The following VRK2 variants were observed in gnomAD, a reference collection of about 807,000 sequenced individuals.
VRK2 encodes the protein serine/threonine-protein kinase VRK2.
VRK2 carries 60 observed loss-of-function variants against 57.6 expected under a neutral mutation model. That is an observed-to-expected ratio of 1.04 (90% CI 0.85 to 1.29). The LOEUF is 1.29. Ranked by LOEUF, VRK2 falls within the 50% of genes most tolerant of loss-of-function variation. VRK2 has a pLI of 0.00. For synonymous variants in VRK2, 231 were observed against 199.2 expected (o/e 1.16, Z -1.35); for missense variants, 705 against 588.1 (o/e 1.20, Z -2.06).
intron 11 of VRK2, among the ~76,000 whole-genome samples, chr2:58,140,271 C>G (rs1428020357): frequency 6.6e-6 from 1 of 151,824 alleles, no homozygotes; most frequent in African/African-American, 2.4e-5. Context: ...CAGTTCTTTA[C>G]AGAAAATAAA....
chr2:58,092,609 T>G (rs939237690), intron 7 of VRK2, among the ~76,000 whole-genome samples: 2 of 152,234 alleles, frequency 1.3e-5, no homozygotes, highest in Non-Finnish European at 2.9e-5. Context: ...CTGGAGTGAC[T>G]GTACCATTAA....
At chr2:57,908,120 C>G (rs1490878713) in intron 1 of VRK2, among the ~76,000 whole-genome samples, 1 of 152,068 alleles carries the variant, frequency 6.6e-6, no homozygotes, top group Non-Finnish European at 1.5e-5. Context: ...AAGGAAGAAT[C>G]CAAAATCAGA....
rs1036939858 is a variant in VRK2, at chr2:58,048,946, G to A, written c.115G>A (p.Gly39Arg). Reference sequence around the variant, plus strand: ...ACTGGGCAAGAAGATTGGCTCTGGAGGATTTGGATTGATATATTTAGGTAA... The same window carrying A: ...ACTGGGCAAGAAGATTGGCTCTGGAAGATTTGGATTGATATATTTAGGTAA... ...WVLGKKIGSG[G>R]FGLIYLAFPT... The change falls in exon 2 of 13, where the codon GGA becomes AGA. Residue 39 changes from glycine (G) to arginine (R), a missense_variant. Coordinates refer to ENST00000340157, the MANE Select transcript of VRK2 (RefSeq NM_006296.7). 7 of 1,613,622 alleles carry A rather than the reference G, an allele frequency of 4.3e-6. No homozygotes were observed. In the Admixed American group the frequency reaches 5.0e-5, roughly 12 times the overall value.
intron 1 of VRK2, among the ~76,000 whole-genome samples, chr2:58,006,967 C>G (rs1389410482): frequency 1.3e-5 from 2 of 151,998 alleles, no homozygotes; most frequent in Non-Finnish European, 2.9e-5. Flanking sequence ...AGGCTGGGTC[C>G]CCTTGAGGAA....
chr2:58,111,789 G>T (rs1033282690), intron 7 of VRK2, among the ~76,000 whole-genome samples: 3 of 148,264 alleles, frequency 2.0e-5, no homozygotes, highest in Admixed American at 6.7e-5. Flanking sequence ...TGATTTCACA[G>T]AAAAAAAAAG....
At chr2:57,967,300 C>T (rs2104012521) in intron 1 of VRK2, among the ~76,000 whole-genome samples, 1 of 152,028 alleles carries the variant, frequency 6.6e-6, no homozygotes, top group Admixed American at 6.5e-5. Flanking sequence ...GTGCAGCAAA[C>T]CACCATGGTA....
At chr2:58,082,234 T>A (rs1670988367) in intron 2 of VRK2, among the ~76,000 whole-genome samples, 1 of 151,954 alleles carries the variant, frequency 6.6e-6, no homozygotes, top group South Asian at 2.1e-4. Context: ...ATATAATGAT[T>A]GAAATAGGCA....
intron 1 of VRK2, among the ~76,000 whole-genome samples, chr2:57,929,637 G>T (rs2176546): frequency 2.0e-5 from 3 of 151,812 alleles, no homozygotes; most frequent in Non-Finnish European, 4.4e-5. Flanking sequence ...GAGTCTCTCC[G>T]TGTAGCCACC....
chr2:58,072,985 T>C (rs967500273), intron 2 of VRK2, among the ~76,000 whole-genome samples: 21 of 152,232 alleles, frequency 1.4e-4, no homozygotes, highest in Admixed American at 1.4e-3. Flanking sequence ...CTTTAAGCAC[T>C]ACTTCTGCTG....
intron 3 of VRK2, among the ~76,000 whole-genome samples, chr2:58,039,582 T>C (rs1470073076): frequency 3.9e-5 from 6 of 152,224 alleles, no homozygotes; most frequent in Non-Finnish European, 7.4e-5. Context: ...AATAAGCATA[T>C]TAAAGACTCA....
chr2:58,048,578 A>G, intron 1 of VRK2: 1 of 1,427,226 alleles, frequency 7.0e-7, no homozygotes, highest in Non-Finnish European at 9.3e-7. Flanking sequence ...TGAATTTTGG[A>G]TGAAATTTGG....
intron 1 of VRK2, among the ~76,000 whole-genome samples, chr2:58,024,533 T>G (rs1277594894): frequency 6.6e-6 from 1 of 152,196 alleles, no homozygotes; most frequent in Admixed American, 6.5e-5. Context: ...CCCACTGGCT[T>G]TAACAATACT....
At chr2:57,966,151 C>T (rs1326452387) in intron 1 of VRK2, among the ~76,000 whole-genome samples, 2 of 152,180 alleles carry the variant, frequency 1.3e-5, no homozygotes, top group African/African-American at 4.8e-5. Flanking sequence ...ATTACTCACA[C>T]TCAGCAAACA....
chr2:58,015,090 T>A (rs1483436376), intron 1 of VRK2, among the ~76,000 whole-genome samples: 1 of 152,182 alleles, frequency 6.6e-6, no homozygotes, highest in Non-Finnish European at 1.5e-5. Flanking sequence ...TCATTTTTTT[T>A]ATCCTGGTAG....
chr2:58,033,402 G>T (rs1342715570), exon 3 of VRK2: 1 of 152,004 alleles, frequency 6.6e-6, no homozygotes, highest in Non-Finnish European at 1.5e-5. Flanking sequence ...TTATAACATT[G>T]GCTTTGAAGA....
Position 58,086,344 on chromosome 2 carries a change from A to C in VRK2, c.262A>C (p.Lys88Gln), listed in dbSNP as rs981876712. ...QRVAKKDCIK[K>Q]WIERKQLDYL... Reference sequence around the variant, plus strand: ...AAATAAATTTGTCTTTGTAGTCAAAAAGTGGATAGAACGCAAACAACTTGA... The same window carrying C: ...AAATAAATTTGTCTTTGTAGTCAAACAGTGGATAGAACGCAAACAACTTGA... The change falls in exon 5 of 13, where the codon AAG becomes CAG. Residue 88 changes from lysine (K) to glutamine (Q), a missense_variant. Physicochemically the swap from Lys to Gln is moderately conservative, Grantham distance 53. Transcript: ENST00000340157. The C allele has an allele frequency of 1.2e-6, 2 of 1,602,114 alleles. No individual in the cohort carries two copies. Among genetic ancestry groups the C allele is most frequent in the South Asian group, 1.1e-5 (1 of 87,982 alleles).
intron 1 of VRK2, among the ~76,000 whole-genome samples, chr2:57,963,431 G>C (rs990989832): frequency 6.6e-6 from 1 of 151,988 alleles, no homozygotes; most frequent in South Asian, 2.1e-4. Flanking sequence ...TACCATGTTC[G>C]GCAAATCCTT....
intron 1 of VRK2, among the ~76,000 whole-genome samples, chr2:57,968,520 T>C (rs1352253844): frequency 2.6e-5 from 4 of 152,092 alleles, no homozygotes; most frequent in Admixed American, 6.6e-5. Context: ...TAGAAGAAAA[T>C]AAACATTTGT....
upstream of VRK2, among the ~76,000 whole-genome samples, chr2:58,045,928 CT>C (rs1216780436): frequency 1.3e-5 from 2 of 152,180 alleles, no homozygotes; most frequent in Non-Finnish European, 2.9e-5. Context: ...ACTGCAATCT[CT>C]GCTTCCTGGG....
Sources: allele counts gnomAD v4.1 joint callset (sites outside exome capture counted in the v4.1 genomes callset), GRCh38; gene constraint gnomAD v4.1.1; transcripts MANE v1.5; gene names NCBI Gene and HGNC (gene_info 2026-07-23, HGNC 2026-07-21).